FBLN1: variants seen among roughly 807,000 people sequenced by gnomAD.
FBLN1 encodes fibulin-1.
FBLN1 carries 34 observed loss-of-function variants against 89.7 expected under a neutral mutation model. That is an observed-to-expected ratio of 0.38 (90% CI 0.29 to 0.50). The LOEUF (loss-of-function observed/expected upper bound fraction) is 0.50. FBLN1 is among the 20% of genes least tolerant of loss of function. The pLI is 0.92. For synonymous variants in FBLN1, 393 were observed against 391.3 expected (o/e 1.00, Z -0.05); for missense variants, 777 against 988.1 (o/e 0.79, Z 2.86).
At position 45,590,825 on chromosome 22, in the gene FBLN1, G is replaced by A. The variant is rs776748110; in HGVS notation, c.1973-9482G>A. On this transcript the variant is annotated intron_variant, in intron 16 of 16. Transcript: ENST00000327858. The surrounding 1 kb of genome is among the most constrained non-coding windows in gnomAD (Gnocchi z 4.1). ...GAGAGTGAGGGGTAGGGGAGGAAGGGAAGTGGGTTTAAGGGAGGAGGGTAG... is the reference window on the plus strand; with the variant it reads ...GAGAGTGAGGGGTAGGGGAGGAAGGAAAGTGGGTTTAAGGGAGGAGGGTAG... Among the ~76,000 whole-genome samples, 1 of 152,116 alleles carries A rather than the reference G, an allele frequency of 6.6e-6. No individual in the cohort carries two copies. Among genetic ancestry groups the A allele is most frequent in the Non-Finnish European group, 1.5e-5 (1 of 68,014 alleles).
At chr22:45,566,642 C>T (rs13058539) in intron 14 of FBLN1, among the ~76,000 whole-genome samples, 11,528 of 152,250 alleles carry the variant, frequency 0.076, 472 homozygotes, top group South Asian at 0.14. Flanking sequence ...CAGCAGGCAG[C>T]GCCTGATACA....
intron 16 of FBLN1, 112 bp from the exon 17 acceptor site, chr22:45,600,195 G>A (rs1481381399): frequency 1.5e-6 from 2 of 1,298,298 alleles, no homozygotes; most frequent in Non-Finnish European, 2.2e-6. Context: ...GGGACTCCAT[G>A]AGGTCTATGC....
intron 16 of FBLN1, among the ~76,000 whole-genome samples, chr22:45,591,753 C>G (rs992286319): frequency 1.3e-5 from 2 of 152,096 alleles, no homozygotes; most frequent in East Asian, 1.9e-4. Context: ...GTTTATGACT[C>G]AGCTAAGGGC....
At chr22:45,570,319 C>CAAA (rs761469854) in intron 14 of FBLN1, among the ~76,000 whole-genome samples, 28 of 36,418 alleles carry the variant, frequency 7.7e-4, no homozygotes, top group African/African-American at 1.5e-3. Context: ...GACTCTGTCT[C>CAAA]AAAAAAAAAA....
chr22:45,600,552 T>A lies in FBLN1; in HGVS notation c.*106T>A. 1 of 1,307,304 alleles carries A rather than the reference T, an allele frequency of 7.6e-7. No homozygotes were observed. Among genetic ancestry groups the A allele is most frequent in the Non-Finnish European group, 1.1e-6 (1 of 902,528 alleles). 81.0% of individuals were successfully genotyped at this position (1,307,304 alleles called of 1,614,324 possible). The stretch of plus-strand genomic sequence containing the variant: ...ACCCTCAGACTTTTTTAATGTTAGG[T>A]ATTTGTAGCATTAGGCCAACATGTA... On this transcript the variant is annotated 3_prime_UTR_variant, in exon 17 of 17. Coordinates refer to ENST00000327858, the MANE Select transcript of FBLN1 (RefSeq NM_006486.3).
chr22:45,534,000 C>T (rs2088447814), intron 7 of FBLN1, 102 bp downstream of exon 7: 3 of 1,522,420 alleles, frequency 2.0e-6, no homozygotes, highest in Non-Finnish European at 2.7e-6. Context: ...GTCCTGCGCC[C>T]TCTGTGGCTG....
In FBLN1 at chr22:45,585,506, G is replaced by A. The variant is rs141579499; in HGVS notation, c.1972+8398G>A. On this transcript the variant is annotated intron_variant, in intron 16 of 16. Transcript: ENST00000327858. Reference sequence around the variant, plus strand: ...TCCACCTAAAAACAACAGCGCGGCCGTCCCTGCCCAACGATGAGTGATTGC... The same window carrying A: ...TCCACCTAAAAACAACAGCGCGGCCATCCCTGCCCAACGATGAGTGATTGC... Among the ~76,000 whole-genome samples the A allele has an allele frequency of 4.9e-3, 741 of 152,362 alleles. 8 individuals carry two copies. The highest frequency in any genetic ancestry group is 0.017 in the African/African-American group (708 of 41,584).
intron 14 of FBLN1, among the ~76,000 whole-genome samples, chr22:45,552,904 C>T (rs978396364): frequency 6.6e-6 from 1 of 152,186 alleles, no homozygotes; most frequent in Admixed American, 6.5e-5. Flanking sequence ...CCGGACACAT[C>T]CTCTTTATCC....
intron 8 of FBLN1, among the ~76,000 whole-genome samples, chr22:45,538,500 T>C (rs142640188): frequency 1.3e-3 from 200 of 152,336 alleles, no homozygotes; most frequent in African/African-American, 4.7e-3. Flanking sequence ...CCACTTGCTT[T>C]TCCCCCCCAC....
chr22:45,573,361 C>A (rs1478484442), intron 14 of FBLN1, among the ~76,000 whole-genome samples: 1 of 151,676 alleles, frequency 6.6e-6, no homozygotes, highest in African/African-American at 2.4e-5. Context: ...GAGACGCACA[C>A]TGATGTGAGA....
chr22:45,511,106 C>T (rs1033524865), intron 1 of FBLN1, among the ~76,000 whole-genome samples: 1 of 151,594 alleles, frequency 6.6e-6, no homozygotes, highest in African/African-American at 2.4e-5. Flanking sequence ...TTCCTGTGGT[C>T]AGTGTGCTAA....
Position 45,598,139 on chromosome 22 carries a change from A to G in FBLN1, c.1973-2168A>G, listed in dbSNP as rs535024509. 3.9e-5 allele frequency among the ~76,000 whole-genome samples: 6 copies of G among 152,220 alleles called. No individual in the cohort carries two copies. The South Asian group carries it at 1.2e-3, about 32-fold the overall frequency. ...GCAAACAGTCAGTAGCTATTTCTCA[A>G]CTTGTGGTTGTGAAGCTGCAGGCTC... On this transcript the variant is annotated intron_variant, in intron 16 of 16. Transcript: ENST00000327858.
At chr22:45,525,858 A>G (rs1008766416) in intron 3 of FBLN1, among the ~76,000 whole-genome samples, 180 bp downstream of exon 3, 2 of 152,128 alleles carry the variant, frequency 1.3e-5, no homozygotes, top group African/African-American at 2.4e-5. Context: ...CTCCCCCTCC[A>G]CTGTAGCCGT....
At chr22:45,573,538 G>A (rs947649599) in intron 14 of FBLN1, among the ~76,000 whole-genome samples, 9 of 151,016 alleles carry the variant, frequency 6.0e-5, no homozygotes, top group African/African-American at 9.7e-5. Flanking sequence ...AAAATTAGCC[G>A]GGCATGGTGG....
rs2071869 is a variant in FBLN1, at chr22:45,576,671, A to G, written c.1841-306A>G. Reference sequence around the variant, plus strand: ...CCTCCTCTGGTCCCCACCTTCATGAATATGCACAGTGACTGATGACTTCTC... The same window carrying G: ...CCTCCTCTGGTCCCCACCTTCATGAGTATGCACAGTGACTGATGACTTCTC... On this transcript the variant is annotated intron_variant, in intron 15 of 16. Coordinates refer to ENST00000327858, the MANE Select transcript of FBLN1 (RefSeq NM_006486.3). This position sits in a 1 kb window ranked among gnomAD's most constrained non-coding sequence, Gnocchi z 5.2. Among the ~76,000 whole-genome samples the G allele has an allele frequency of 0.097, 14,680 of 152,122 alleles. 819 individuals are homozygous for G. Among genetic ancestry groups the G allele is most frequent in the East Asian group, 0.22 (1,128 of 5,162 alleles).
At chr22:45,555,470 G>T (rs924306624) in intron 14 of FBLN1, among the ~76,000 whole-genome samples, 1 of 152,058 alleles carries the variant, frequency 6.6e-6, no homozygotes, top group African/African-American at 2.4e-5. Flanking sequence ...TCCAGCACGG[G>T]AGAAAGATGT....
chr22:45,594,611 T>C (rs1271924727), intron 16 of FBLN1, among the ~76,000 whole-genome samples: 2 of 151,838 alleles, frequency 1.3e-5, no homozygotes, highest in Admixed American at 1.3e-4. Flanking sequence ...GGTGGGTGTG[T>C]GGGTGGATGG....
Position 45,541,367 on chromosome 22 carries a change from G to T in FBLN1, c.1061G>T (p.Cys354Phe). ...CATCTCAACGAGGAGGGAACGCGCT[G>T]TGTTGGTTGGTATTAAGAAAACAAA... is the stretch of plus-strand genomic sequence containing the variant. Reference protein sequence around the residue: ...GYHLNEEGTRCVDVDECAPPA... With the variant: ...GYHLNEEGTRFVDVDECAPPA... Residue 354 changes from cysteine to phenylalanine, a missense_variant, in exon 9 of 17, where the codon TGT (cysteine) becomes TTT (phenylalanine). Coordinates refer to ENST00000327858, the MANE Select transcript of FBLN1 (RefSeq NM_006486.3). 1 of 1,614,242 alleles carries T rather than the reference G, an allele frequency of 6.2e-7. No homozygotes were observed. The highest frequency in any genetic ancestry group is 8.5e-7 in the Non-Finnish European group (1 of 1,180,036).
At chr22:45,600,147 A>C (rs900075924) in intron 16 of FBLN1, among the ~76,000 whole-genome samples, 160 bp from the exon 17 acceptor site, 3 of 152,210 alleles carry the variant, frequency 2.0e-5, no homozygotes, top group African/African-American at 7.2e-5. Flanking sequence ...ACTTGGAAGG[A>C]GATGTTATTC....
Sources: allele counts gnomAD v4.1 joint callset (sites outside exome capture counted in the v4.1 genomes callset), GRCh38; gene constraint gnomAD v4.1.1; non-coding constraint Gnocchi (gnomAD v3.1); transcripts MANE v1.5; gene names NCBI Gene and HGNC (gene_info 2026-07-23, HGNC 2026-07-21).